Variants in CNTN4 observed in about 807,000 individuals in gnomAD.
CNTN4 encodes the protein contactin 4.
A neutral mutation model predicts 122.5 loss-of-function variants in CNTN4; 77 were observed. The observed-to-expected ratio is 0.63, with a 90% CI of 0.52 to 0.76. The LOEUF is 0.76. Among genes scored for constraint, CNTN4 ranks in the 30% least tolerant of loss-of-function variants. The probability of loss-of-function intolerance (pLI) is 0.00; values close to 1 mark genes in which losing one functional copy is unlikely to be tolerated. For synonymous variants in CNTN4, 512 were observed against 447.0 expected, an observed-to-expected ratio of 1.15 and a Z score of -1.83; for missense variants, 1,256 against 1,259.1, an observed-to-expected ratio of 1.00 and a Z score of 0.04.
At chr3:2,349,038 T>G (rs1332764418) in intron 3 of CNTN4, among the ~76,000 whole-genome samples, 1 of 152,198 alleles carries the variant, frequency 6.6e-6, no homozygotes, top group Non-Finnish European at 1.5e-5. Context: ...ACTATAATAT[T>G]TGATTCTTTA....
chr3:2,212,431 A>G (rs982707085), intron 2 of CNTN4, among the ~76,000 whole-genome samples: 3 of 152,200 alleles, frequency 2.0e-5, no homozygotes, highest in Non-Finnish European at 4.4e-5. Context: ...AGACCTCACA[A>G]TCGTGGCAGG....
chr3:2,389,283 T>C (rs543724216), intron 3 of CNTN4, among the ~76,000 whole-genome samples: 2 of 108,784 alleles, frequency 1.8e-5, no homozygotes, highest in Non-Finnish European at 4.4e-5. Flanking sequence ...CTTCTCATTA[T>C]GTTGTTCTCG....
At chr3:2,441,875 A>G (rs1359399522) in intron 3 of CNTN4, among the ~76,000 whole-genome samples, 5 of 152,326 alleles carry the variant, frequency 3.3e-5, no homozygotes, top group African/African-American at 1.2e-4. Context: ...GAATTTTTAT[A>G]TAAATAGAAA....
At chr3:2,164,697 A>G (rs57900107) in intron 2 of CNTN4, among the ~76,000 whole-genome samples, 48,895 of 151,936 alleles carry the variant, frequency 0.32, 8,636 homozygotes, top group Admixed American at 0.43. Flanking sequence ...CTGCCACAGA[A>G]AATGCTAGTG....
intron 2 of CNTN4, among the ~76,000 whole-genome samples, chr3:2,295,950 C>T (rs757162348): frequency 1.3e-5 from 2 of 152,248 alleles, no homozygotes; most frequent in African/African-American, 4.8e-5. Flanking sequence ...TTCCGCATTT[C>T]TTGTTTTTAT....
chr3:2,195,383 C>G (rs1206900827), intron 2 of CNTN4, among the ~76,000 whole-genome samples: 1 of 152,154 alleles, frequency 6.6e-6, no homozygotes, highest in Non-Finnish European at 1.5e-5. Context: ...TCAATGAACA[C>G]GGGAGTGAAG....
intron 4 of CNTN4, among the ~76,000 whole-genome samples, chr3:2,637,858 T>C (rs1219896134): frequency 1.1e-4 from 16 of 152,162 alleles, no homozygotes; most frequent in Admixed American, 9.8e-4. Flanking sequence ...CTTCCCTTGA[T>C]TGACTCTTCA....
chr3:2,326,580 A>G (rs1424105603), intron 2 of CNTN4, among the ~76,000 whole-genome samples: 1 of 152,140 alleles, frequency 6.6e-6, no homozygotes, highest in Non-Finnish European at 1.5e-5. Context: ...GATTACACAA[A>G]CTGTAAAGGA....
At chr3:2,892,490 A>G (rs2094054623) in intron 10 of CNTN4, among the ~76,000 whole-genome samples, 1 of 152,242 alleles carries the variant, frequency 6.6e-6, no homozygotes, top group African/African-American at 2.4e-5. Flanking sequence ...ACAAAGTAGA[A>G]TGAGAGCGCT....
At chr3:2,547,880 TCA>T (rs2078314340) in intron 3 of CNTN4, among the ~76,000 whole-genome samples, 1 of 152,118 alleles carries the variant, frequency 6.6e-6, no homozygotes, top group African/African-American at 2.4e-5. Flanking sequence ...TTTCTTGTTT[TCA>T]CAGAGACATG....
intron 3 of CNTN4, among the ~76,000 whole-genome samples, chr3:2,381,580 A>C (rs943001911): frequency 3.1e-4 from 47 of 152,180 alleles, no homozygotes; most frequent in African/African-American, 9.9e-4. Context: ...GCTTAGGAGA[A>C]TATCTGGCAC....
intron 3 of CNTN4, among the ~76,000 whole-genome samples, chr3:2,456,527 C>T (rs557588938): frequency 1.3e-5 from 2 of 152,228 alleles, no homozygotes; most frequent in Admixed American, 6.6e-5. Context: ...TCCTCTTCCT[C>T]ACTCCACTTC....
intron 3 of CNTN4, among the ~76,000 whole-genome samples, chr3:2,538,931 A>G (rs1366464683): frequency 1.3e-5 from 2 of 151,888 alleles, no homozygotes; most frequent in African/African-American, 4.8e-5. Flanking sequence ...TAGTACCTTT[A>G]TGGAATATTT....
chr3:3,050,281 G>A lies in CNTN4; in HGVS notation c.2812-3526G>A, dbSNP rs185367644. Among the ~76,000 whole-genome samples, 1,030 of 150,996 alleles carry A rather than the reference G, an allele frequency of 6.8e-3. 7 individuals carry two copies. The highest frequency in any genetic ancestry group is 0.012 in the Non-Finnish European group (792 of 67,982). ...AATTTCTCGGTTTTTAAATGTTCAT[G>A]TCTAACTCAAAAAAAATAACACTAT... On this transcript the variant is annotated intron_variant, in intron 23 of 24. Transcript: ENST00000418658.
chr3:2,154,033 C>T (rs1010489606), intron 2 of CNTN4, among the ~76,000 whole-genome samples: 1 of 152,102 alleles, frequency 6.6e-6, no homozygotes, highest in Admixed American at 6.5e-5. Flanking sequence ...ATATTGGTTA[C>T]TTTATTAAAA....
intron 2 of CNTN4, among the ~76,000 whole-genome samples, chr3:2,108,774 A>G (rs746421665): frequency 1.3e-5 from 2 of 152,226 alleles, no homozygotes; most frequent in Non-Finnish European, 2.9e-5. Flanking sequence ...CATCTATAAC[A>G]TTGTCTAAAG....
At chr3:2,671,101 G>C (rs1007200261) in intron 4 of CNTN4, among the ~76,000 whole-genome samples, 3 of 152,114 alleles carry the variant, frequency 2.0e-5, no homozygotes, top group Non-Finnish European at 4.4e-5. Context: ...GAGTATCTTT[G>C]TGGCGTTCTC....
chr3:2,201,729 G>T (rs369966042), intron 2 of CNTN4, among the ~76,000 whole-genome samples: 1 of 151,946 alleles, frequency 6.6e-6, no homozygotes, highest in South Asian at 2.1e-4. Context: ...GCTGGCATGC[G>T]CTGCTGGCAA....
At chr3:2,894,294 C>A (rs578136522) in intron 10 of CNTN4, among the ~76,000 whole-genome samples, 1 of 152,090 alleles carries the variant, frequency 6.6e-6, no homozygotes, top group African/African-American at 2.4e-5. Flanking sequence ...ACCTGGGGAC[C>A]TACAATGGTT....
Sources: gnomAD v4.1 joint callset for allele counts (sites outside exome capture counted in the v4.1 genomes callset) on GRCh38, gnomAD v4.1.1 for gene constraint, MANE v1.5 for transcripts, NCBI Gene and HGNC (gene_info 2026-07-23, HGNC 2026-07-21) for gene names.